The following NFIC variants were observed in gnomAD, a reference collection of about 807,000 sequenced individuals.
The protein encoded by NFIC is nuclear factor 1 C-type.
A neutral mutation model predicts 54.4 loss-of-function variants in NFIC; 12 were observed. That is an observed-to-expected ratio of 0.22 (90% CI 0.14 to 0.36). NFIC has a LOEUF of 0.36. Ranked by LOEUF, NFIC falls within the 10% of genes least tolerant of loss-of-function variation. The pLI, the probability that NFIC is intolerant of heterozygous loss-of-function variation, is 1.00. For synonymous variants in NFIC, 322 were observed against 319.2 expected (o/e 1.01, Z -0.09); for missense variants, 575 against 718.2 (o/e 0.80, Z 2.28).
intron 1 of NFIC, among the ~76,000 whole-genome samples, chr19:3,372,839 T>C (rs1421661311): frequency 3.3e-5 from 5 of 150,514 alleles, no homozygotes; most frequent in Non-Finnish European, 7.4e-5. Flanking sequence ...GTCCCCACTT[T>C]CATAGTAGAC....
chr19:3,417,266 A>AC (rs889284017), intron 2 of NFIC, among the ~76,000 whole-genome samples: 2 of 152,012 alleles, frequency 1.3e-5, no homozygotes, highest in African/African-American at 2.4e-5. Flanking sequence ...ATATAGTGAG[A>AC]CCCCCATCTC....
intron 9 of NFIC, among the ~76,000 whole-genome samples, chr19:3,455,665 A>G (rs986730203): frequency 6.6e-6 from 1 of 151,086 alleles, no homozygotes; most frequent in African/African-American, 2.4e-5. Context: ...TAGACACTTA[A>G]TAGATGCAGG....
intron 7 of NFIC, among the ~76,000 whole-genome samples, chr19:3,449,605 C>G (rs1284229778): frequency 6.6e-6 from 1 of 151,520 alleles, no homozygotes; most frequent in Non-Finnish European, 1.5e-5. Flanking sequence ...ACTAAAAATA[C>G]AAAAATTAGC....
chr19:3,393,147 G>A (rs888630702), intron 2 of NFIC, among the ~76,000 whole-genome samples: 1 of 152,062 alleles, frequency 6.6e-6, no homozygotes, highest in Non-Finnish European at 1.5e-5. Flanking sequence ...TACCATGTTG[G>A]CCAGGCTGAC....
intron 2 of NFIC, among the ~76,000 whole-genome samples, chr19:3,416,666 A>G (rs2081859327): frequency 6.6e-6 from 1 of 151,384 alleles, no homozygotes; most frequent in South Asian, 2.1e-4. Context: ...CTGGGATTAC[A>G]GGCATGTGCC....
intron 2 of NFIC, among the ~76,000 whole-genome samples, chr19:3,390,062 A>G (rs1018559693): frequency 9.8e-5 from 15 of 152,302 alleles, no homozygotes; most frequent in Middle Eastern, 3.4e-3. Flanking sequence ...GGAAGGAGGG[A>G]GGTCCCAGTG....
rs752776407 is a variant in NFIC, at chr19:3,381,931, A to G, written c.250A>G (p.Ile84Val). ...SRLLAKLRKD[I>V]RPECREDFVL... ...GCTGCTGGCCAAGCTGCGCAAGGAC[A>G]TCCGGCCCGAGTGCCGCGAGGACTT... The change falls in exon 2 of 11, where the codon ATC (isoleucine) becomes GTC (valine). Residue 84 changes from isoleucine (I) to valine (V), a missense_variant. Transcript: ENST00000443272. The G allele has an allele frequency of 1.9e-6, 3 of 1,613,590 alleles. No homozygotes were observed. Among genetic ancestry groups the G allele is most frequent in the South Asian group, 1.1e-5 (1 of 91,078 alleles).
intron 6 of NFIC, among the ~76,000 whole-genome samples, chr19:3,445,068 T>G (rs1599705693): frequency 6.6e-6 from 1 of 151,664 alleles, no homozygotes; most frequent in Non-Finnish European, 1.5e-5. Flanking sequence ...GGCATACATA[T>G]GCAGGCGTGC....
intron 1 of NFIC, among the ~76,000 whole-genome samples, chr19:3,376,428 CAAAAAAAAAAAAAAAA>C (rs35724239): frequency 2.1e-5 from 1 of 48,188 alleles, no homozygotes; most frequent in African/African-American, 8.2e-5. Context: ...GACACTGTCT[CAAAAAAAAAAAAAAAA>C]AAAAAAAAAA....
Position 3,463,784 on chromosome 19 carries a change from C to G in NFIC, c.*1015C>G. 1.0e-6 allele frequency: 1 copy of G among 985,388 alleles called. No individual in the cohort carries two copies. Among genetic ancestry groups the G allele is most frequent in the Non-Finnish European group, 1.2e-6 (1 of 829,946 alleles). The allele number at this position is 985,388 out of a possible 1,614,324, so 61.0% of individuals were successfully genotyped here. A position where few individuals can be genotyped will look rare whatever the true frequency, so the allele number is the denominator to read the frequency against. Reference sequence around the variant, plus strand: ...AGCTCCCCGAGTTGGGGGTGCCCGTCTGGAGCGCCCCCGTCAGCCCCTGGC... The same window carrying G: ...AGCTCCCCGAGTTGGGGGTGCCCGTGTGGAGCGCCCCCGTCAGCCCCTGGC... On this transcript the variant is annotated 3_prime_UTR_variant, in exon 11 of 11. Coordinates refer to ENST00000443272, the MANE Select transcript of NFIC (RefSeq NM_001245002.2).
At chr19:3,368,476 A>G (rs2080936791) in intron 1 of NFIC, among the ~76,000 whole-genome samples, 1 of 152,180 alleles carries the variant, frequency 6.6e-6, no homozygotes. Flanking sequence ...GAGAGGCTAA[A>G]AACTAAAAAC....
At chr19:3,424,303 C>T (rs568793251) in intron 2 of NFIC, among the ~76,000 whole-genome samples, 24 of 152,210 alleles carry the variant, frequency 1.6e-4, no homozygotes, top group African/African-American at 5.3e-4. Context: ...GCTGGGATTA[C>T]AGGTGTGAGC....
In NFIC at chr19:3,435,221, C is replaced by CG; in HGVS notation, c.958+19dup. 1 of 1,565,282 alleles carries CG rather than the reference C, an allele frequency of 6.4e-7. No homozygotes were observed. Among genetic ancestry groups the CG allele is most frequent in the Non-Finnish European group, 8.7e-7 (1 of 1,149,546 alleles). On this transcript the variant is annotated intron_variant, in intron 6 of 10. Transcript: ENST00000443272. ...ACATGGAAGGAGGTAGGGCTGGTGG[C>CG]GGGGGCGGAGCCGGCCTTCCGGTCT...
chr19:3,387,814 G>A (rs1009275337), intron 2 of NFIC, among the ~76,000 whole-genome samples: 23 of 152,110 alleles, frequency 1.5e-4, no homozygotes, highest in African/African-American at 2.7e-4. Flanking sequence ...GGGGTGGGGC[G>A]GGAGAGGGTG....
intron 2 of NFIC, among the ~76,000 whole-genome samples, chr19:3,401,148 G>A: frequency 6.6e-6 from 1 of 152,242 alleles, no homozygotes; most frequent in Non-Finnish European, 1.5e-5. Context: ...AGAGTGAGGA[G>A]AGGAAGAGAA....
At position 3,369,504 on chromosome 19, in the gene NFIC, G is replaced by A. The variant is rs374228989; in HGVS notation, c.30+2838G>A. ...CCGACCCGGATCCTTCTCGGGAGCC[G>A]AGGCTGGCGGGGGGTGGGGGGCATC... On this transcript the variant is annotated intron_variant, in intron 1 of 10. Coordinates refer to ENST00000443272, the MANE Select transcript of NFIC (RefSeq NM_001245002.2). The surrounding 1 kb of genome is among the most constrained non-coding windows in gnomAD (Gnocchi z 4.3). 2.0e-4 allele frequency among the ~76,000 whole-genome samples: 31 copies of A among 152,226 alleles called. No individual in the cohort carries two copies. In the South Asian group the frequency reaches 4.6e-3, roughly 22 times the overall value.
intron 6 of NFIC, among the ~76,000 whole-genome samples, chr19:3,441,162 C>T (rs925479167): frequency 6.6e-6 from 1 of 152,184 alleles, no homozygotes; most frequent in South Asian, 2.1e-4. Flanking sequence ...GACAGCCCTG[C>T]GGAGGTGCCT....
intron 2 of NFIC, among the ~76,000 whole-genome samples, chr19:3,421,386 G>A (rs2081951404): frequency 6.6e-6 from 1 of 152,182 alleles, no homozygotes; most frequent in Non-Finnish European, 1.5e-5. Context: ...CCTTCCCAAC[G>A]TCATGGCCAC....
At chr19:3,428,608 C>T (rs372091604) in intron 3 of NFIC, among the ~76,000 whole-genome samples, 19 of 152,178 alleles carry the variant, frequency 1.2e-4, no homozygotes, top group African/African-American at 4.3e-4. Context: ...GTGACTCCTC[C>T]GTCTGTGACC....
Sources: allele counts gnomAD v4.1 joint callset (sites outside exome capture counted in the v4.1 genomes callset), GRCh38; gene constraint gnomAD v4.1.1; non-coding constraint Gnocchi (gnomAD v3.1); transcripts MANE v1.5; gene names NCBI Gene and HGNC (gene_info 2026-07-23, HGNC 2026-07-21).